RRAGB: variants seen among roughly 807,000 people sequenced by gnomAD.
The protein encoded by RRAGB is ras-related GTP-binding protein B.
A neutral mutation model predicts 29.3 loss-of-function variants in RRAGB; 6 were observed. The ratio of observed to expected loss-of-function variants is 0.21; its 90% CI spans 0.11 to 0.40. The LOEUF (loss-of-function observed/expected upper bound fraction) is 0.40. Among genes scored for constraint, RRAGB ranks in the 10% least tolerant of loss-of-function variants. The pLI is 1.00. For missense variants in RRAGB, 184 were observed against 272.9 expected, an observed-to-expected ratio of 0.67 and a Z score of 2.29; for synonymous variants, 101 against 92.5, an observed-to-expected ratio of 1.09 and a Z score of -0.53.
chrX:55,738,841 T>C (rs1247905284), intron 5 of RRAGB, among the ~76,000 whole-genome samples: 3 of 111,961 alleles, frequency 2.7e-5, no homozygotes, highest in African/African-American at 9.8e-5. Flanking sequence ...TGTTGTGTTA[T>C]GCTACCAGGG....
In RRAGB at chrX:55,751,387, A is replaced by T. The variant is rs777233116; in HGVS notation, c.612+191A>T. 5 of 353,349 alleles carry T rather than the reference A, an allele frequency of 1.4e-5. 1 individual carries two copies. Among genetic ancestry groups the T allele is most frequent in the Non-Finnish European group, 2.4e-5 (5 of 206,069 alleles). 29.1% of individuals were successfully genotyped at this position (353,349 alleles called of 1,213,427 possible). A position where few individuals can be genotyped will look rare whatever the true frequency, so the allele number is the denominator to read the frequency against. On this transcript the variant is annotated intron_variant, in intron 6 of 9. Coordinates refer to ENST00000374941, the MANE Select transcript of RRAGB (RefSeq NM_006064.5). ...ATTAAGAGACTTGGGTTTTGATCTT[A>T]TATTGGGTTGACATAGCTACCAAGT...
chrX:55,740,117 T>C (rs1007781699), intron 5 of RRAGB, among the ~76,000 whole-genome samples: 7 of 111,025 alleles, frequency 6.3e-5, no homozygotes, highest in African/African-American at 9.8e-5. Flanking sequence ...GGTCAGGAGA[T>C]CGAGACCATC....
chrX:55,755,969 GA>G (rs1188730367), intron 8 of RRAGB, 37 bp downstream of exon 8: 1 of 970,698 alleles, frequency 1.0e-6, no homozygotes, highest in Non-Finnish European at 1.5e-6. Flanking sequence ...TTTATCTCTT[GA>G]AAAAATTATT....
chrX:55,728,514 T>C (rs2033560647), intron 3 of RRAGB, among the ~76,000 whole-genome samples: 1 of 111,540 alleles, frequency 9.0e-6, no homozygotes, highest in African/African-American at 3.3e-5. Context: ...TTGGGGAATG[T>C]ATAGGTAGAT....
chrX:55,740,351 ACCATGAATTTT>A (rs2034018745), intron 5 of RRAGB, among the ~76,000 whole-genome samples: 1 of 111,620 alleles, frequency 9.0e-6, no homozygotes, highest in African/African-American at 3.3e-5. Flanking sequence ...GTGATTTTGA[ACCATGAATTTT>A]AAATCATTAT....
rs1195931354 is a variant in RRAGB, at chrX:55,722,351, T to C, written c.226+66T>C. On this transcript the variant is annotated intron_variant, in intron 3 of 9. Transcript: ENST00000374941. ...CTATTAATAATCTGCATAACACACTTGGTTTCAGTACCTTGGGGATGCAGA... is the reference window on the plus strand; with the variant it reads ...CTATTAATAATCTGCATAACACACTCGGTTTCAGTACCTTGGGGATGCAGA... The C allele has an allele frequency of 8.4e-6, 6 of 715,120 alleles. No individual in the cohort carries two copies. In the East Asian group the frequency reaches 1.3e-4, roughly 15 times the overall value. The allele number at this position is 715,120 out of a possible 1,213,427, so 58.9% of individuals were successfully genotyped here.
intron 3 of RRAGB, among the ~76,000 whole-genome samples, chrX:55,728,716 G>A (rs917669829): frequency 6.3e-5 from 7 of 111,149 alleles, no homozygotes; most frequent in Admixed American, 5.7e-4. Flanking sequence ...TTGTAGTAGT[G>A]TAGACATGAG....
intron 7 of RRAGB, 40 bp downstream of exon 7, chrX:55,753,554 C>T (rs760399332): frequency 1.2e-5 from 14 of 1,129,243 alleles, no homozygotes; most frequent in Admixed American, 4.5e-5. Context: ...TCACACTGTA[C>T]GTTCTTTGTT....
chrX:55,726,071 T>C (rs1191591429), intron 3 of RRAGB, among the ~76,000 whole-genome samples: 1 of 110,162 alleles, frequency 9.1e-6, no homozygotes, highest in Non-Finnish European at 1.9e-5. Flanking sequence ...TAAGCCAAGT[T>C]AGATAGTAGG....
Position 55,757,264 on chromosome X carries a change from C to A in RRAGB, c.876C>A (p.Phe292Leu). ...GTATGGAAGTCAGGAACTCTAACTT[C>A]GCTGCTTTCATTGACATCTTTACAT... ...FQSMEVRNSNFAAFIDIFTSN... is the reference protein window; with the variant it reads ...FQSMEVRNSNLAAFIDIFTSN... The change falls in exon 9 of 10, where the codon TTC becomes TTA. Residue 292 changes from phenylalanine to leucine, a missense_variant. Transcript: ENST00000374941. The A allele has an allele frequency of 8.4e-7, 1 of 1,195,339 alleles. No individual in the cohort carries two copies. Among genetic ancestry groups the A allele is most frequent in the Non-Finnish European group, 1.1e-6 (1 of 883,555 alleles).
At chrX:55,720,261 A>G (rs929598982) in intron 2 of RRAGB, among the ~76,000 whole-genome samples, 1 of 112,250 alleles carries the variant, frequency 8.9e-6, no homozygotes. Flanking sequence ...TGATTTAATC[A>G]TTCTGCATTG....
At chrX:55,719,702 A>C (rs1201889934) in intron 2 of RRAGB, among the ~76,000 whole-genome samples, 1 of 111,996 alleles carries the variant, frequency 8.9e-6, no homozygotes, top group Non-Finnish European at 1.9e-5. Flanking sequence ...ATTAATTTGC[A>C]CTTTGTGTAA....
intron 5 of RRAGB, among the ~76,000 whole-genome samples, chrX:55,744,551 T>C (rs1437712252): frequency 9.0e-6 from 1 of 110,731 alleles, no homozygotes; most frequent in African/African-American, 3.3e-5. Flanking sequence ...GGTCAAATAA[T>C]ACCCAGTTCA....
intron 1 of RRAGB, 72 bp from the exon 2 acceptor site, chrX:55,719,242 A>G (rs1359845287): frequency 3.1e-5 from 29 of 938,242 alleles, no homozygotes; most frequent in South Asian, 2.4e-4. Flanking sequence ...CTCCATGTTT[A>G]TTTATACTTC....
rs779042140 is a variant in RRAGB, at chrX:55,751,206, T to A, written c.612+10T>A. The A allele has an allele frequency of 2.1e-6, 2 of 967,136 alleles. No individual in the cohort carries two copies. Among genetic ancestry groups the A allele is most frequent in the East Asian group, 6.2e-5 (2 of 32,188 alleles). 79.7% of individuals were successfully genotyped at this position (967,136 alleles called of 1,213,427 possible). A position where few individuals can be genotyped will look rare whatever the true frequency, so the allele number is the denominator to read the frequency against. On this transcript the variant is annotated intron_variant, in intron 6 of 9. Coordinates refer to ENST00000374941, the MANE Select transcript of RRAGB (RefSeq NM_006064.5). Reference sequence around the variant, plus strand: ...TGAAACCCTCTATAAGGTGTGTATGTCTCCCTGAGTTCCCTCATTTTAAGA... The same window carrying A: ...TGAAACCCTCTATAAGGTGTGTATGACTCCCTGAGTTCCCTCATTTTAAGA...
At chrX:55,726,220 A>G (rs1025065554) in intron 3 of RRAGB, among the ~76,000 whole-genome samples, 6 of 112,033 alleles carry the variant, frequency 5.4e-5, no homozygotes, top group African/African-American at 1.9e-4. Context: ...TTTTAATTAC[A>G]AAAGTAGTAC....
At chrX:55,755,554 TG>T (rs2034636520) in intron 7 of RRAGB, 1 of 740,198 alleles carries the variant, frequency 1.4e-6, no homozygotes, top group Admixed American at 8.8e-5. Flanking sequence ...TGAAATAAAA[TG>T]AATATTTAGT....
chrX:55,746,564 C>T (rs1216678034), intron 5 of RRAGB, among the ~76,000 whole-genome samples: 1 of 112,204 alleles, frequency 8.9e-6, no homozygotes, highest in Non-Finnish European at 1.9e-5. Flanking sequence ...TGGGGCTGCC[C>T]TTACAAATTT....
At chrX:55,733,568 T>C (rs1418497771) in intron 5 of RRAGB, among the ~76,000 whole-genome samples, 1 of 111,818 alleles carries the variant, frequency 8.9e-6, no homozygotes, top group Non-Finnish European at 1.9e-5. Context: ...GATCATATGG[T>C]TTTTGTTTCT....
Sources: gnomAD v4.1 joint callset for allele counts (sites outside exome capture counted in the v4.1 genomes callset) on GRCh38, gnomAD v4.1.1 for gene constraint, MANE v1.5 for transcripts, NCBI Gene and HGNC (gene_info 2026-07-23, HGNC 2026-07-21) for gene names.